Variants in DNAH14 observed in about 807,000 individuals in gnomAD.
The protein encoded by DNAH14 is dynein axonemal heavy chain 14, also known as axonemal beta dynein heavy chain 14.
In DNAH14, 478 loss-of-function variants were observed where a neutral mutation model predicts 520.9. That is an observed-to-expected ratio of 0.92 (90% CI 0.85 to 0.99). The LOEUF (loss-of-function observed/expected upper bound fraction) is 0.99. Ranked by LOEUF, DNAH14 falls within the 50% of genes least tolerant of loss-of-function variation. The pLI, the probability that DNAH14 is intolerant of heterozygous loss-of-function variation, is 0.00. For synonymous variants in DNAH14, 1,581 were observed against 1,757.2 expected, an observed-to-expected ratio of 0.90 and a Z score of 2.51; for missense variants, 4,831 against 5,234.5, an observed-to-expected ratio of 0.92 and a Z score of 2.38.
intron 75 of DNAH14, among the ~76,000 whole-genome samples, chr1:225,363,582 A>ACTT (rs1276901186): frequency 6.6e-6 from 1 of 152,092 alleles, no homozygotes; most frequent in Non-Finnish European, 1.5e-5. Context: ...GTCTTTCGTA[A>ACTT]CTTTGATATT....
chr1:225,324,625 G>A, intron 63 of DNAH14, 112 bp from the exon 64 acceptor site: 1 of 1,079,188 alleles, frequency 9.3e-7, no homozygotes. Flanking sequence ...TATAGTTCTA[G>A]GAAAGTTTAA....
intron 12 of DNAH14, among the ~76,000 whole-genome samples, chr1:225,040,822 C>G (rs2067410816): frequency 6.6e-6 from 1 of 152,192 alleles, no homozygotes; most frequent in Admixed American, 6.5e-5. Flanking sequence ...GTACCAATTT[C>G]AATGACCTTT....
chr1:225,167,994 AAG>A lies in DNAH14; in HGVS notation c.5505_5506del (p.Lys1836AspfsTer6). 10 of 1,540,476 alleles carry A rather than the reference AAG, an allele frequency of 6.5e-6. No individual in the cohort carries two copies. Among genetic ancestry groups the A allele is most frequent in the Non-Finnish European group, 8.8e-6 (10 of 1,141,312 alleles). ...GGTTTACAAAACTGGTCATCTCAGA[AAG>A]AGAAGATTATACAGTTTTATAATCA... On this transcript the variant is annotated frameshift_variant, in exon 36 of 86. Transcript: ENST00000682510. LOFTEE classifies it high-confidence loss of function.
At chr1:225,390,108 G>T (rs974245872) in intron 83 of DNAH14, among the ~76,000 whole-genome samples, 1 of 151,908 alleles carries the variant, frequency 6.6e-6, no homozygotes, top group African/African-American at 2.4e-5. Flanking sequence ...TTTCACCTGC[G>T]CCTTGGCAGG....
intron 10 of DNAH14, among the ~76,000 whole-genome samples, chr1:225,013,940 A>C (rs7531542): frequency 0.055 from 8,374 of 152,138 alleles, 473 homozygotes; most frequent in East Asian, 0.24. Flanking sequence ...TCCTGGCTAC[A>C]TCCCCCTTTC....
rs1051730219 is a variant in DNAH14 at position 224,929,726 on chromosome 1, C to T, written c.-143C>T. Reference sequence around the variant, plus strand: ...CGGAGCCTGGCGTGGTAGGGCTGTGCTGCGCGGTCCTTCCCATTCACCCTA... The same window carrying T: ...CGGAGCCTGGCGTGGTAGGGCTGTGTTGCGCGGTCCTTCCCATTCACCCTA... On this transcript the variant is annotated 5_prime_UTR_variant, in exon 1 of 86. Transcript: ENST00000682510. The T allele has an allele frequency of 2.8e-6, 2 of 702,298 alleles. No individual in the cohort carries two copies. The highest frequency in any genetic ancestry group is 3.5e-5 in the African/African-American group (2 of 57,274). 43.5% of individuals were successfully genotyped at this position (702,298 alleles called of 1,614,324 possible).
intron 8 of DNAH14, among the ~76,000 whole-genome samples, chr1:224,997,433 TTTTTG>T (rs1217534767): frequency 1.3e-5 from 2 of 149,688 alleles, no homozygotes; most frequent in Admixed American, 6.6e-5. Context: ...GGCAGGTTTT[TTTTTG>T]TTTGTTTGTT....
intron 7 of DNAH14, among the ~76,000 whole-genome samples, chr1:224,970,619 C>A (rs1001335174): frequency 9.2e-5 from 14 of 152,020 alleles, no homozygotes; most frequent in African/African-American, 3.1e-4. Context: ...GTATGCTGTC[C>A]CTTTATTTCT....
intron 23 of DNAH14, among the ~76,000 whole-genome samples, chr1:225,114,745 G>A (rs1383735343): frequency 6.6e-6 from 1 of 152,054 alleles, no homozygotes; most frequent in African/African-American, 2.4e-5. Context: ...GTTATGTCCA[G>A]TGTTGGCAGC....
At chr1:225,182,179 G>A (rs959657950) in intron 36 of DNAH14, among the ~76,000 whole-genome samples, 2 of 152,160 alleles carry the variant, frequency 1.3e-5, no homozygotes, top group African/African-American at 4.8e-5. Context: ...GCCTGGGCAA[G>A]AGGGTGAGAC....
intron 27 of DNAH14, among the ~76,000 whole-genome samples, chr1:225,130,360 A>G (rs2078257507): frequency 6.6e-6 from 1 of 152,118 alleles, no homozygotes; most frequent in South Asian, 2.1e-4. Context: ...CTATAAAGAC[A>G]CATACACACG....
chr1:225,377,620 T>C (rs1236343163), intron 79 of DNAH14, among the ~76,000 whole-genome samples, 184 bp downstream of exon 79: 1 of 151,914 alleles, frequency 6.6e-6, no homozygotes, highest in Non-Finnish European at 1.5e-5. Context: ...ATTAGCTGAG[T>C]GTAGTGGTGA....
intron 61 of DNAH14, among the ~76,000 whole-genome samples, chr1:225,320,875 C>T (rs1337140304): frequency 1.3e-5 from 2 of 152,270 alleles, no homozygotes; most frequent in South Asian, 2.1e-4. Context: ...GATTGAACTA[C>T]AGTCAGTTTA....
intron 56 of DNAH14, 81 bp from the exon 57 acceptor site, chr1:225,303,075 T>G: frequency 9.3e-7 from 1 of 1,074,320 alleles, no homozygotes; most frequent in Non-Finnish European, 1.3e-6. Flanking sequence ...CTGAAATATG[T>G]TTTCCATGGA....
At chr1:225,185,174 A>T (rs1168854002) in intron 36 of DNAH14, 117 bp from the exon 37 acceptor site, 2 of 1,149,092 alleles carry the variant, frequency 1.7e-6, no homozygotes, top group Non-Finnish European at 2.4e-6. Flanking sequence ...CCAAATAAAG[A>T]ACACAAACTC....
Position 225,305,053 on chromosome 1 carries a change from T to G in DNAH14, c.8969T>G (p.Ile2990Ser), listed in dbSNP as rs754594815. The change falls in exon 58 of 86, where the codon ATT becomes AGT. Residue 2990 changes from isoleucine to serine, a missense_variant. Physicochemically the swap from Ile to Ser is moderately radical, Grantham distance 142. Coordinates refer to ENST00000682510, the MANE Select transcript of DNAH14 (RefSeq NM_001367479.1). ...CAATTTATGGAAACATTTGCACACATTTTGAGGGCACGAGAGGAAGAGATG... is the reference window on the plus strand; with the variant it reads ...CAATTTATGGAAACATTTGCACACAGTTTGAGGGCACGAGAGGAAGAGATG... ...YLQFMETFAH[I>S]LRAREEEMQT... The G allele has an allele frequency of 7.8e-6, 12 of 1,540,186 alleles. No individual in the cohort carries two copies. In the South Asian group the frequency reaches 1.2e-4, roughly 16 times the overall value.
At chr1:225,380,772 C>T (rs772541102) in intron 80 of DNAH14, among the ~76,000 whole-genome samples, 21 of 152,194 alleles carry the variant, frequency 1.4e-4, no homozygotes, top group Non-Finnish European at 2.1e-4. Context: ...ACTCCAAACC[C>T]AGCTCTAAGT....
At chr1:224,987,951 A>G (rs905019158) in intron 8 of DNAH14, among the ~76,000 whole-genome samples, 7 of 152,098 alleles carry the variant, frequency 4.6e-5, no homozygotes, top group African/African-American at 1.7e-4. Flanking sequence ...CAGGTTTGTT[A>G]CATAGGTAAA....
intron 27 of DNAH14, among the ~76,000 whole-genome samples, chr1:225,127,023 T>G (rs1174411926): frequency 1.4e-5 from 2 of 140,066 alleles, no homozygotes; most frequent in African/African-American, 5.5e-5. Flanking sequence ...CGGTTTTGAG[T>G]GAGTTTCTTA....
Sources: allele counts gnomAD v4.1 joint callset (sites outside exome capture counted in the v4.1 genomes callset), GRCh38; gene constraint gnomAD v4.1.1; transcripts MANE v1.5; gene names NCBI Gene and HGNC (gene_info 2026-07-23, HGNC 2026-07-21).